The following FAM135A variants were observed in gnomAD, a reference collection of about 807,000 sequenced individuals.
The protein encoded by FAM135A is protein FAM135A.
Under a neutral mutation model 146.8 loss-of-function variants are expected in FAM135A, and 79 were observed. The ratio of observed to expected loss-of-function variants is 0.54; its 90% CI spans 0.45 to 0.65. The LOEUF (loss-of-function observed/expected upper bound fraction) is 0.65. Among genes scored for constraint, FAM135A ranks in the 30% least tolerant of loss-of-function variants. The probability of loss-of-function intolerance (pLI) is 0.00; values close to 1 mark genes in which losing one functional copy is unlikely to be tolerated. For missense variants in FAM135A, 1,623 were observed against 1,758.2 expected (o/e 0.92, Z 1.38); for synonymous variants, 562 against 603.6 (o/e 0.93, Z 1.01).
chr6:70,526,278 C>G lies in FAM135A; in HGVS notation c.3194C>G (p.Pro1065Arg). The G allele has an allele frequency of 6.2e-7, 1 of 1,613,406 alleles. No homozygotes were observed. Among genetic ancestry groups the G allele is most frequent in the Non-Finnish European group, 8.5e-7 (1 of 1,179,658 alleles). Reference protein sequence around the residue: ...CAVSYSNALSPQKETSEKEIS... With the variant: ...CAVSYSNALSRQKETSEKEIS... The stretch of plus-strand genomic sequence containing the variant: ...GTTAGCTACAGCAATGCACTTAGCC[C>G]TCAGAAGGAAACTTCTGAAAAAGAA... Residue 1065 changes from proline to arginine, a missense_variant, in exon 15 of 22, where the codon CCT becomes CGT. Physicochemically the swap from Pro to Arg is moderately radical, Grantham distance 103 (BLOSUM62 -2). This residue lies in a region of FAM135A where 1,061 missense variants were observed against 1,113.8 expected (regional missense o/e 0.95). Transcript: ENST00000418814.
At position 70,560,105 on chromosome 6, in the gene FAM135A, G is replaced by T; in HGVS notation, c.*184G>T. On this transcript the variant is annotated 3_prime_UTR_variant, in exon 22 of 22. Transcript: ENST00000418814. ...TCAACTTTACTTTCTAGGTAATGTG[G>T]CTGTGCAATATTTTTTTAATTTTAT... is the stretch of plus-strand genomic sequence containing the variant. 2.0e-6 allele frequency: 1 copy of T among 504,348 alleles called. No homozygotes were observed. Among genetic ancestry groups the T allele is most frequent in the Admixed American group, 3.8e-5 (1 of 26,368 alleles). 31.2% of individuals were successfully genotyped at this position (504,348 alleles called of 1,614,324 possible).
chr6:70,535,520 T>C (rs1252247994), intron 18 of FAM135A, among the ~76,000 whole-genome samples: 1 of 152,080 alleles, frequency 6.6e-6, no homozygotes, highest in Non-Finnish European at 1.5e-5. Context: ...AAACTGCCCA[T>C]GCGAGGGATC....
At chr6:70,534,793 A>G (rs898516267) in intron 18 of FAM135A, among the ~76,000 whole-genome samples, 1 of 152,246 alleles carries the variant, frequency 6.6e-6, no homozygotes, top group East Asian at 1.9e-4. Context: ...GGTTAGAGGA[A>G]GAAGCTGGTT....
Position 70,536,187 on chromosome 6 carries a change from A to G in FAM135A, c.3966-73A>G. ...AATTGTTAGTATTCACATCCATTTT[A>G]TAGTGGATCAGCTTTGATTTTTGTT... On this transcript the variant is annotated intron_variant, in intron 18 of 21. Coordinates refer to ENST00000418814, the MANE Select transcript of FAM135A (RefSeq NM_001162529.3). 1.4e-5 allele frequency: 20 copies of G among 1,413,314 alleles called. No individual in the cohort carries two copies. In the South Asian group the frequency reaches 2.5e-4, roughly 18 times the overall value. 87.5% of individuals were successfully genotyped at this position (1,413,314 alleles called of 1,614,324 possible).
At chr6:70,540,023 T>C (rs1449736178) in intron 20 of FAM135A, among the ~76,000 whole-genome samples, 2 of 152,128 alleles carry the variant, frequency 1.3e-5, no homozygotes, top group Non-Finnish European at 2.9e-5. Flanking sequence ...TGACAAATGT[T>C]TGTAACATGA....
chr6:70,536,808 G>C (rs1160500164), intron 19 of FAM135A, among the ~76,000 whole-genome samples: 4 of 151,856 alleles, frequency 2.6e-5, no homozygotes, highest in Non-Finnish European at 5.9e-5. Context: ...TTCAAAAAGA[G>C]TAAAGAGATA....
At chr6:70,432,918 GT>G (rs1161378279) in intron 4 of FAM135A, among the ~76,000 whole-genome samples, 1 of 151,720 alleles carries the variant, frequency 6.6e-6, no homozygotes, top group African/African-American at 2.4e-5. Flanking sequence ...TGTCTGAATT[GT>G]AGGGACTTTT....
chr6:70,464,761 A>C (rs535116745), intron 5 of FAM135A, among the ~76,000 whole-genome samples: 1 of 136,302 alleles, frequency 7.3e-6, no homozygotes, highest in Non-Finnish European at 1.5e-5. Flanking sequence ...CCGTCTTCCC[A>C]GTTCAAGCGA....
chr6:70,452,419 C>A, intron 4 of FAM135A, 73 bp from the exon 5 acceptor site: 1 of 1,069,428 alleles, frequency 9.4e-7, no homozygotes. Flanking sequence ...AATATGGATA[C>A]AAATGTGGAA....
intron 12 of FAM135A, among the ~76,000 whole-genome samples, chr6:70,521,519 A>G (rs966338186): frequency 7.9e-5 from 12 of 152,354 alleles, no homozygotes; most frequent in African/African-American, 2.6e-4. Context: ...CTGAAGACCC[A>G]GGTTTATCTG....
At chr6:70,497,717 A>G (rs1787610167) in intron 11 of FAM135A, among the ~76,000 whole-genome samples, 1 of 152,116 alleles carries the variant, frequency 6.6e-6, no homozygotes, top group Admixed American at 6.5e-5. Context: ...GGGATGTTAA[A>G]TTTTGTCAAA....
intron 4 of FAM135A, among the ~76,000 whole-genome samples, chr6:70,430,737 G>A (rs1280255183): frequency 8.5e-5 from 13 of 152,210 alleles, no homozygotes; most frequent in Non-Finnish European, 2.9e-5. Context: ...ACATCCTTGA[G>A]TTGATCTTTG....
rs1290784550 is a variant in FAM135A, at chr6:70,428,362, T to A, written c.20T>A (p.Met7Lys). 6.2e-7 allele frequency: 1 copy of A among 1,601,664 alleles called. No individual in the cohort carries two copies. Among genetic ancestry groups the A allele is most frequent in the Non-Finnish European group, 8.5e-7 (1 of 1,174,260 alleles). Residue 7 changes from methionine (M) to lysine (K), a missense_variant, in exon 4 of 22, where the codon ATG (methionine) becomes AAG (lysine). This residue lies in a region of FAM135A where 171 missense variants were observed against 164.9 expected (regional missense o/e 1.04). Transcript: ENST00000418814. The part of the protein sequence containing the change: MTEVQA[M>K]VEFSVELNKF... ...TTAAAAATGACTGAAGTTCAAGCAA[T>A]GGTAGAATTCTCTGTGGAGCTAAAC...
chr6:70,459,777 C>G (rs1475685797), intron 5 of FAM135A, among the ~76,000 whole-genome samples: 1 of 152,144 alleles, frequency 6.6e-6, no homozygotes, highest in African/African-American at 2.4e-5. Context: ...TGCCTGTAAT[C>G]ACAGCACTTT....
intron 20 of FAM135A, among the ~76,000 whole-genome samples, chr6:70,544,443 G>A (rs564767505): frequency 4.6e-5 from 7 of 151,750 alleles, no homozygotes; most frequent in South Asian, 2.1e-4. Context: ...CAGGAGAATC[G>A]CTTGAACCTG....
chr6:70,530,643 C>T (rs1300687487), intron 16 of FAM135A, among the ~76,000 whole-genome samples: 1 of 152,046 alleles, frequency 6.6e-6, no homozygotes, highest in Non-Finnish European at 1.5e-5. Flanking sequence ...ATCCCAGCTC[C>T]TTGGGAGGCT....
chr6:70,416,365 C>G (rs1767580181), intron 2 of FAM135A, among the ~76,000 whole-genome samples: 1 of 152,062 alleles, frequency 6.6e-6, no homozygotes, highest in Non-Finnish European at 1.5e-5. Context: ...TTAGTTAATC[C>G]TTAATTTTCT....
At chr6:70,432,693 A>G (rs949469848) in intron 4 of FAM135A, among the ~76,000 whole-genome samples, 3 of 152,094 alleles carry the variant, frequency 2.0e-5, no homozygotes, top group Non-Finnish European at 4.4e-5. Flanking sequence ...GCATTGGATT[A>G]TTTATAGATA....
chr6:70,419,065 A>G (rs977321145), intron 2 of FAM135A, among the ~76,000 whole-genome samples: 2 of 152,232 alleles, frequency 1.3e-5, no homozygotes, highest in Non-Finnish European at 2.9e-5. Context: ...GCTACAGAAC[A>G]TGACTGTTAC....
Sources: gnomAD v4.1 joint callset for allele counts (sites outside exome capture counted in the v4.1 genomes callset) on GRCh38, gnomAD v4.1.1 for gene constraint, gnomAD v4.1.1 regional missense constraint, MANE v1.5 for transcripts, NCBI Gene and HGNC (gene_info 2026-07-23, HGNC 2026-07-21) for gene names.